The following CLVS1 variants were observed in gnomAD, a reference collection of about 807,000 sequenced individuals.
CLVS1 encodes clavesin 1.
CLVS1 carries 10 observed loss-of-function variants against 33.1 expected under a neutral mutation model. The ratio of observed to expected loss-of-function variants is 0.30; its 90% CI spans 0.19 to 0.51. The LOEUF is 0.51. Among genes scored for constraint, CLVS1 ranks in the 20% least tolerant of loss-of-function variants. The pLI, the probability that CLVS1 is intolerant of heterozygous loss-of-function variation, is 0.97. For synonymous variants in CLVS1, 163 were observed against 166.1 expected (o/e 0.98, Z 0.14); for missense variants, 343 against 433.4 (o/e 0.79, Z 1.85).
Position 61,222,532 on chromosome 8 carries a change from T to A in CLVS1, c.-151-77145T>A, listed in dbSNP as rs529642832. Among the ~76,000 whole-genome samples, 4 of 152,346 alleles carry A rather than the reference T, an allele frequency of 2.6e-5. No individual in the cohort carries two copies. The South Asian group carries it at 8.3e-4, about 32-fold the overall frequency. On this transcript the variant is annotated intron_variant, in intron 2 of 2. Coordinates refer to the CLVS1 transcript ENST00000522621. ...GAGTTCTAATTTGATTGCACTGTGGTCTGAGAGACTGCTTGTTATGATTTC... is the reference window on the plus strand; with the variant it reads ...GAGTTCTAATTTGATTGCACTGTGGACTGAGAGACTGCTTGTTATGATTTC...
chr8:61,420,321 C>T (rs905328819), intron 3 of CLVS1, among the ~76,000 whole-genome samples: 5 of 152,146 alleles, frequency 3.3e-5, no homozygotes, highest in Admixed American at 6.5e-5. Flanking sequence ...CATTGTTGGC[C>T]GGGTGCGGTG....
intron 3 of CLVS1, among the ~76,000 whole-genome samples, chr8:61,400,399 G>A (rs995808330): frequency 3.3e-5 from 5 of 152,082 alleles, no homozygotes; most frequent in African/African-American, 1.2e-4. Context: ...TGAGATTTTG[G>A]TGAAGTTGCT....
chr8:61,044,760 G>A, the CLVS1 span, among the ~76,000 whole-genome samples: 1 of 152,138 alleles, frequency 6.6e-6, no homozygotes, highest in African/African-American at 2.4e-5. Context: ...TACTGCCTCT[G>A]GCCATCAACT....
At chr8:61,314,953 G>A (rs770223953) in intron 2 of CLVS1, among the ~76,000 whole-genome samples, 5 of 152,174 alleles carry the variant, frequency 3.3e-5, no homozygotes, top group African/African-American at 4.8e-5. Flanking sequence ...ATCTGTAGCC[G>A]TGCATGAATT....
Position 61,121,291 on chromosome 8 carries a change from T to C in CLVS1, c.-242-10479T>C, listed in dbSNP as rs560675328. ...CACTGTCTGGCACTCCCTAGTGAGA[T>C]GAACCCGGTACCTCAGATGGAAATG... On this transcript the variant is annotated intron_variant, in intron 1 of 2. Coordinates refer to the CLVS1 transcript ENST00000522621. Among the ~76,000 whole-genome samples the C allele has an allele frequency of 1.1e-4, 17 of 152,332 alleles. No homozygotes were observed. In the East Asian group the frequency reaches 3.3e-3, roughly 29 times the overall value.
At chr8:61,324,847 A>G (rs556862634) in intron 2 of CLVS1, among the ~76,000 whole-genome samples, 5 of 152,270 alleles carry the variant, frequency 3.3e-5, no homozygotes, top group African/African-American at 1.2e-4. Context: ...CCAACAGTGT[A>G]CAAGCAGAGA....
At chr8:61,160,038 T>C (rs1242763133) in intron 2 of CLVS1, among the ~76,000 whole-genome samples, 1 of 152,212 alleles carries the variant, frequency 6.6e-6, no homozygotes, top group African/African-American at 2.4e-5. Flanking sequence ...ACTTTTGATC[T>C]TGCTGCTCAC....
intron 1 of CLVS1, among the ~76,000 whole-genome samples, chr8:61,070,452 A>G (rs556653707): frequency 1.4e-4 from 21 of 152,314 alleles, no homozygotes; most frequent in Admixed American, 3.3e-4. Flanking sequence ...GACATTTTTC[A>G]ATAAAGCAGC....
chr8:61,379,868 C>T (rs1194439033), intron 3 of CLVS1, among the ~76,000 whole-genome samples: 1 of 152,142 alleles, frequency 6.6e-6, no homozygotes, highest in Non-Finnish European at 1.5e-5. Context: ...GGGATGCACA[C>T]AGCGCTCAGT....
intron 2 of CLVS1, among the ~76,000 whole-genome samples, chr8:61,307,995 A>T (rs1199591036): frequency 2.0e-5 from 3 of 152,204 alleles, no homozygotes; most frequent in Admixed American, 6.5e-5. Flanking sequence ...GATCAGTATT[A>T]TTGATTTTCC....
chr8:61,374,315 A>G (rs558908323), intron 2 of CLVS1, among the ~76,000 whole-genome samples: 1 of 152,130 alleles, frequency 6.6e-6, no homozygotes, highest in African/African-American at 2.4e-5. Flanking sequence ...TTCCTCCTTC[A>G]ACCTCAGTGC....
intron 2 of CLVS1, among the ~76,000 whole-genome samples, chr8:61,197,067 T>C: frequency 6.6e-6 from 1 of 152,228 alleles, no homozygotes; most frequent in East Asian, 1.9e-4. Context: ...TAAGCCCTAA[T>C]GTCCTCAGGC....
intron 3 of CLVS1, among the ~76,000 whole-genome samples, chr8:61,410,095 T>C (rs16927299): frequency 0.61 from 78,105 of 128,484 alleles, 22,841 homozygotes; most frequent in Non-Finnish European, 0.68. Context: ...TCTTTGTTTT[T>C]GCTAGGTAAA....
intron 5 of CLVS1, among the ~76,000 whole-genome samples, chr8:61,462,219 G>A (rs553653037): frequency 1.0e-3 from 152 of 152,256 alleles, no homozygotes; most frequent in African/African-American, 3.1e-3. Context: ...TGTTAATGTG[G>A]ATATTTTGAC....
chr8:61,428,780 C>T (rs1226060269), intron 3 of CLVS1, among the ~76,000 whole-genome samples: 1 of 152,168 alleles, frequency 6.6e-6, no homozygotes, highest in Non-Finnish European at 1.5e-5. Flanking sequence ...AACCTTTGTA[C>T]AAGAAAAGTT....
intron 1 of CLVS1, among the ~76,000 whole-genome samples, chr8:61,093,950 A>G (rs896164638): frequency 6.6e-6 from 1 of 152,136 alleles, no homozygotes; most frequent in African/African-American, 2.4e-5. Context: ...TTAAAACTTC[A>G]TCCCAGACAA....
chr8:61,492,114 T>C (rs1311074255), intron 5 of CLVS1, among the ~76,000 whole-genome samples: 1 of 152,208 alleles, frequency 6.6e-6, no homozygotes, highest in Non-Finnish European at 1.5e-5. Flanking sequence ...ACTAGATTAT[T>C]CTAGGTTCAG....
upstream of CLVS1, among the ~76,000 whole-genome samples, chr8:61,056,185 C>A (rs1413974159): frequency 2.0e-5 from 3 of 152,212 alleles, no homozygotes; most frequent in African/African-American, 4.8e-5. Flanking sequence ...GTTTCTGCCT[C>A]CTGTGGCCAT....
intron 2 of CLVS1, among the ~76,000 whole-genome samples, chr8:61,336,568 A>T (rs1468666475): frequency 6.6e-6 from 1 of 152,134 alleles, no homozygotes; most frequent in Non-Finnish European, 1.5e-5. Context: ...CTCTTATGGG[A>T]TCCACAGAGG....
Sources: gnomAD v4.1 joint callset for allele counts (sites outside exome capture counted in the v4.1 genomes callset) on GRCh38, gnomAD v4.1.1 for gene constraint, MANE v1.5 for transcripts, NCBI Gene and HGNC (gene_info 2026-07-23, HGNC 2026-07-21) for gene names.